WDR37: variants seen among roughly 807,000 people sequenced by gnomAD.
WDR37 encodes WD repeat domain 37, also known as WD repeat-containing protein 37.
A neutral mutation model predicts 62.9 loss-of-function variants in WDR37; 19 were observed. The ratio of observed to expected loss-of-function variants is 0.30; its 90% CI spans 0.21 to 0.44. The LOEUF (loss-of-function observed/expected upper bound fraction) is 0.44. Among genes scored for constraint, WDR37 ranks in the 20% least tolerant of loss-of-function variants. WDR37 has a pLI of 1.00. For synonymous variants in WDR37, 250 were observed against 260.9 expected (o/e 0.96, Z 0.40); for missense variants, 474 against 657.6 (o/e 0.72, Z 3.05).
At chr10:1,075,105 A>G (rs577643396) in intron 2 of WDR37, among the ~76,000 whole-genome samples, 1 of 152,296 alleles carries the variant, frequency 6.6e-6, no homozygotes, top group Admixed American at 6.5e-5. Flanking sequence ...TGAATGGCAC[A>G]GAAAGGGAGA....
At position 1,103,306 on chromosome 10, in the gene WDR37, AT is replaced by A. The variant is rs1834886269; in HGVS notation, c.727-293del. On this transcript the variant is annotated intron_variant, in intron 9 of 13. Transcript: ENST00000263150. This position sits in a 1 kb window ranked among gnomAD's most constrained non-coding sequence, Gnocchi z 6.3. ...AAGCTTAAATGTTGAAAATCATTTTATTTGCCATTCTGTTGATGCGTGGAAA... is the reference window on the plus strand; with the variant it reads ...AAGCTTAAATGTTGAAAATCATTTTATTGCCATTCTGTTGATGCGTGGAAA... Among the ~76,000 whole-genome samples, 3 of 152,150 alleles carry A rather than the reference AT, an allele frequency of 2.0e-5. No homozygotes were observed. The South Asian group carries it at 6.2e-4, about 31-fold the overall frequency.
At chr10:1,069,926 C>T (rs1833677392) in intron 1 of WDR37, among the ~76,000 whole-genome samples, 1 of 152,094 alleles carries the variant, frequency 6.6e-6, no homozygotes, top group African/African-American at 2.4e-5. Flanking sequence ...AAAGTTGAGG[C>T]CAGGCACAAT....
chr10:1,102,664 T>C (rs984178896), intron 9 of WDR37, among the ~76,000 whole-genome samples: 1 of 152,206 alleles, frequency 6.6e-6, no homozygotes, highest in Non-Finnish European at 1.5e-5. Flanking sequence ...CATCAGGCTA[T>C]GAGGAATCCT....
rs1337959775 is a variant in WDR37, at chr10:1,131,709, T to TGC, written c.*2366_*2367insCG. The TGC allele has an allele frequency of 4.0e-5, 6 of 150,446 alleles. No homozygotes were observed. The highest frequency in any genetic ancestry group is 2.1e-4 in the South Asian group (1 of 4,808). The allele number at this position is 150,446 out of a possible 1,614,324, so 9.3% of individuals were successfully genotyped here. A position where few individuals can be genotyped will look rare whatever the true frequency, so the allele number is the denominator to read the frequency against. On this transcript the variant is annotated 3_prime_UTR_variant, in exon 14 of 14. Coordinates refer to ENST00000263150, the MANE Select transcript of WDR37 (RefSeq NM_014023.4). ...GTGTGTGTGTGTGTGTGTGTGTGTG[T>TGC]GTGCACGTGTGTGTGGCTAAATTAA...
chr10:1,098,560 C>T (rs1332317994), intron 9 of WDR37, among the ~76,000 whole-genome samples: 2 of 152,128 alleles, frequency 1.3e-5, no homozygotes, highest in Middle Eastern at 6.3e-3. Context: ...CTCTTGACCT[C>T]GTGATCCGCC....
At chr10:1,123,138 T>C (rs1344720524) in intron 11 of WDR37, among the ~76,000 whole-genome samples, 1 of 152,202 alleles carries the variant, frequency 6.6e-6, no homozygotes, top group Non-Finnish European at 1.5e-5. Context: ...GGCCACATAT[T>C]TCAACACATT....
At position 1,091,278 on chromosome 10, in the gene WDR37, C is replaced by A. The variant is rs1443246033; in HGVS notation, c.605-2174C>A. Reference sequence around the variant, plus strand: ...AAGTGAAAATTGATGATTGATCTTACCAAAATTTCTCATCGAAATTGGAAG... The same window carrying A: ...AAGTGAAAATTGATGATTGATCTTAACAAAATTTCTCATCGAAATTGGAAG... On this transcript the variant is annotated intron_variant, in intron 7 of 13. Coordinates refer to ENST00000263150, the MANE Select transcript of WDR37 (RefSeq NM_014023.4). Among the ~76,000 whole-genome samples the A allele has an allele frequency of 2.0e-4, 31 of 152,108 alleles. 1 individual carries two copies. The highest frequency in any genetic ancestry group is 2.0e-3 in the Admixed American group (31 of 15,290).
In WDR37 at chr10:1,080,413, C is replaced by A; in HGVS notation, c.333C>A (p.Ala111=). 1 of 1,614,144 alleles carries A rather than the reference C, an allele frequency of 6.2e-7. No individual in the cohort carries two copies. The highest frequency in any genetic ancestry group is 8.5e-7 in the Non-Finnish European group (1 of 1,180,028). Reference sequence around the variant, plus strand: ...GATTGTCACTCTCTGTCCCTGCAGCCAGTCACAGCACCAGCCAGCTCTCCC... The same window carrying A: ...GATTGTCACTCTCTGTCCCTGCAGCAAGTCACAGCACCAGCCAGCTCTCCC... ...ELSKGQLKTK[A]SHSTSQLSQK... The change falls in exon 5 of 14, where the codon GCC becomes GCA. Residue 111 remains alanine (A), a splice_region_variant and synonymous_variant. Transcript: ENST00000263150.
intron 13 of WDR37, among the ~76,000 whole-genome samples, chr10:1,127,198 T>C (rs1835817003): frequency 2.6e-5 from 4 of 152,226 alleles, no homozygotes; most frequent in Admixed American, 6.5e-5. Context: ...GAGAGTATTT[T>C]CCCTCAGAAA....
intron 2 of WDR37, among the ~76,000 whole-genome samples, chr10:1,077,589 C>T (rs889171244): frequency 1.1e-4 from 17 of 152,164 alleles, no homozygotes; most frequent in African/African-American, 2.7e-4. Context: ...TGGGAGCTGC[C>T]GCCTTTCTCT....
intron 11 of WDR37, among the ~76,000 whole-genome samples, chr10:1,111,188 C>T (rs950469641): frequency 2.6e-5 from 4 of 152,048 alleles, no homozygotes; most frequent in African/African-American, 7.2e-5. Context: ...TATCTTAGGG[C>T]GTATTTTCAC....
At chr10:1,095,613 T>C (rs1834549206) in intron 8 of WDR37, among the ~76,000 whole-genome samples, 1 of 152,214 alleles carries the variant, frequency 6.6e-6, no homozygotes, top group South Asian at 2.1e-4. Flanking sequence ...CATGCTGGTG[T>C]CCGAGGCCTG....
chr10:1,082,873 A>G (rs1456968761), intron 5 of WDR37, among the ~76,000 whole-genome samples: 1 of 152,078 alleles, frequency 6.6e-6, no homozygotes, highest in Non-Finnish European at 1.5e-5. Context: ...GAAGAATGTA[A>G]CTCTAGTAGT....
At chr10:1,069,536 AAAG>A (rs1252185790) in intron 1 of WDR37, among the ~76,000 whole-genome samples, 1 of 151,740 alleles carries the variant, frequency 6.6e-6, no homozygotes, top group African/African-American at 2.4e-5. Context: ...TGAGTGGAAA[AAAG>A]AATCTCAAAA....
At chr10:1,122,623 G>A (rs6560711) in intron 11 of WDR37, among the ~76,000 whole-genome samples, 125,035 of 152,314 alleles carry the variant, frequency 0.82, 51,350 homozygotes, top group Non-Finnish European at 0.84. Flanking sequence ...CTTAGCTCAC[G>A]GGGAAAGTAA....
chr10:1,091,920 C>T (rs1056688116), intron 7 of WDR37, among the ~76,000 whole-genome samples: 2 of 152,132 alleles, frequency 1.3e-5, no homozygotes, highest in African/African-American at 4.8e-5. Context: ...GTGGCTCACG[C>T]CTGTAATCCT....
intron 2 of WDR37, chr10:1,074,525 A>G (rs1420334118): frequency 7.7e-7 from 1 of 1,303,888 alleles, no homozygotes; most frequent in Non-Finnish European, 1.0e-6. Context: ...GGCCCCCGTG[A>G]GGTGCTCTGC....
chr10:1,090,527 G>A (rs2131638527), intron 7 of WDR37, among the ~76,000 whole-genome samples: 1 of 152,300 alleles, frequency 6.6e-6, no homozygotes, highest in South Asian at 2.1e-4. Flanking sequence ...AGTTGAATCA[G>A]TACAACTCTA....
intron 11 of WDR37, among the ~76,000 whole-genome samples, chr10:1,116,278 G>A (rs560474496): frequency 6.8e-6 from 1 of 146,366 alleles, no homozygotes; most frequent in Admixed American, 6.8e-5. Flanking sequence ...CACCCACCCC[G>A]CCCCGGGTCT....
Sources: gnomAD v4.1 joint callset for allele counts (sites outside exome capture counted in the v4.1 genomes callset) on GRCh38, gnomAD v4.1.1 for gene constraint, Gnocchi (gnomAD v3.1) non-coding constraint, MANE v1.5 for transcripts, NCBI Gene and HGNC (gene_info 2026-07-23, HGNC 2026-07-21) for gene names.